SUPT7L: variants seen among roughly 807,000 people sequenced by gnomAD.
SUPT7L encodes SPT7 like, STAGA complex subunit gamma, also known as STAGA complex 65 subunit gamma.
Under a neutral mutation model 35.7 loss-of-function variants are expected in SUPT7L, and 15 were observed. The observed-to-expected ratio is 0.42, with a 90% CI of 0.28 to 0.65. SUPT7L has a LOEUF of 0.65. Among genes scored for constraint, SUPT7L ranks in the 30% least tolerant of loss-of-function variants. SUPT7L has a pLI of 0.23. For synonymous variants in SUPT7L, 168 were observed against 186.2 expected (o/e 0.90, Z 0.79); for missense variants, 434 against 522.2 (o/e 0.83, Z 1.65).
intron 3 of SUPT7L, among the ~76,000 whole-genome samples, chr2:27,659,115 G>C (rs542951628): frequency 1.3e-5 from 2 of 152,132 alleles, no homozygotes; most frequent in African/African-American, 4.8e-5. Context: ...GATCACCACA[G>C]AGCAAGTTTT....
At position 27,657,683 on chromosome 2, in the gene SUPT7L, T is replaced by C. The variant is rs1674870203; in HGVS notation, c.420-14A>G. On this transcript the variant is annotated splice_polypyrimidine_tract_variant and intron_variant, in intron 3 of 5. Coordinates refer to ENST00000337768, the MANE Select transcript of SUPT7L (RefSeq NM_014860.3). This position sits in a 1 kb window ranked among gnomAD's most constrained non-coding sequence, Gnocchi z 5.2. ...TCCCCTTTCCCACTGAAAGTGGAGA[T>C]ACGGTGGTGTTATTAATGTTCTTGC... 6.2e-7 allele frequency: 1 copy of C among 1,602,938 alleles called. No individual in the cohort carries two copies. The highest frequency in any genetic ancestry group is 1.3e-5 in the African/African-American group (1 of 74,718).
At chr2:27,654,018 G>A (rs1674681281) in intron 5 of SUPT7L, among the ~76,000 whole-genome samples, 1 of 152,084 alleles carries the variant, frequency 6.6e-6, no homozygotes, top group Non-Finnish European at 1.5e-5. Context: ...AACCAGGGAA[G>A]TGAAACTAGG....
In SUPT7L at chr2:27,653,348, A is replaced by C. The variant is rs1674644345; in HGVS notation, c.*137T>G. ...AATGCAACCTTGTTTGGTGACGTCC[A>C]GTTCCTCTGGAATTAGGAAAAACCA... On this transcript the variant is annotated 3_prime_UTR_variant, in exon 6 of 6. Transcript: ENST00000337768. 7.8e-7 allele frequency: 1 copy of C among 1,276,420 alleles called. No individual in the cohort carries two copies. Among genetic ancestry groups the C allele is most frequent in the Non-Finnish European group, 1.1e-6 (1 of 936,304 alleles). The allele number at this position is 1,276,420 out of a possible 1,614,324, so 79.1% of individuals were successfully genotyped here. A position where few individuals can be genotyped will look rare whatever the true frequency, so the allele number is the denominator to read the frequency against.
chr2:27,662,029 A>G (rs982774820), intron 2 of SUPT7L, 150 bp downstream of exon 2: 3 of 1,040,330 alleles, frequency 2.9e-6, no homozygotes, highest in Admixed American at 2.3e-5. Context: ...CCTTCCTCCA[A>G]TCTCTCTTTG....
chr2:27,650,117 A>C, downstream of SUPT7L: 1 of 1,579,278 alleles, frequency 6.3e-7, no homozygotes, highest in South Asian at 1.1e-5. Context: ...CCTTGCAGTT[A>C]CAGAGGAAAG....
rs745578047 is a variant in SUPT7L at position 27,652,358 on chromosome 2, G to C, written c.*1127C>G. 4 of 152,256 alleles carry C rather than the reference G, an allele frequency of 2.6e-5. No homozygotes were observed. Among genetic ancestry groups the C allele is most frequent in the Admixed American group, 6.5e-5 (1 of 15,274 alleles). 9.4% of individuals were successfully genotyped at this position (152,256 alleles called of 1,614,324 possible). On this transcript the variant is annotated 3_prime_UTR_variant, in exon 6 of 6. Coordinates refer to ENST00000337768, the MANE Select transcript of SUPT7L (RefSeq NM_014860.3). ...TGCCTTATTTTGGTCTGCATTAAAG[G>C]AGTGGTCTAAATTTTACAAGATATA...
chr2:27,661,034 G>A lies in SUPT7L; in HGVS notation c.369C>T (p.Pro123=). 6.2e-7 allele frequency: 1 copy of A among 1,614,132 alleles called. No individual in the cohort carries two copies. The highest frequency in any genetic ancestry group is 8.5e-7 in the Non-Finnish European group (1 of 1,180,012). The part of the protein sequence containing the change: ...DDLLPLDCKN[P]NAPFQIRHSD... ...TGTGCCGGATCTGGAATGGTGCATT[G>A]GGATTCTTACAATCTAAAGGCAGGA... The change falls in exon 3 of 6, where the codon CCC becomes CCT. Residue 123 remains proline, a synonymous_variant. Transcript: ENST00000337768.
chr2:27,655,479 C>T lies in SUPT7L; in HGVS notation c.868G>A (p.Glu290Lys), dbSNP rs970575929. The change falls in exon 5 of 6, where the codon GAG (glutamate) becomes AAG (lysine). Residue 290 changes from glutamate to lysine, a missense_variant. Transcript: ENST00000337768. ...CCAGAAGCAAGGTCAGCCTCCAGCTCCTCACTGACAGGAAAAGTGATGTCG... is the reference window on the plus strand; with the variant it reads ...CCAGAAGCAAGGTCAGCCTCCAGCTTCTCACTGACAGGAAAAGTGATGTCG... ...VSDITFPVSE[E>K]LEADLASGDQ... 2 of 1,614,182 alleles carry T rather than the reference C, an allele frequency of 1.2e-6. No homozygotes were observed. The highest frequency in any genetic ancestry group is 2.7e-5 in the African/African-American group (2 of 75,056).
chr2:27,650,462 C>A, downstream of SUPT7L: 1 of 215,114 alleles, frequency 4.6e-6, no homozygotes, highest in Non-Finnish European at 9.3e-6. Flanking sequence ...TGATACTCTT[C>A]CAAGCCTACA....
downstream of SUPT7L, chr2:27,650,383 C>G (rs1362146938): frequency 2.2e-6 from 1 of 462,646 alleles, no homozygotes; most frequent in East Asian, 3.5e-5. Flanking sequence ...GACCCTTGGA[C>G]CTGGCAGGTT....
At chr2:27,650,053 C>T (rs138379241), downstream of SUPT7L, 171 of 887,238 alleles carry the variant, frequency 1.9e-4, 1 homozygote, top group East Asian at 2.5e-3. Flanking sequence ...GGATGGGTGA[C>T]GGGCTCTAAT....
chr2:27,649,261 AAACAAAC>A (rs1674394007), downstream of SUPT7L, among the ~76,000 whole-genome samples: 1 of 147,554 alleles, frequency 6.8e-6, no homozygotes, highest in African/African-American at 2.5e-5. Context: ...ACAAACAAAC[AAACAAAC>A]AAAAAAACAC....
chr2:27,655,793 G>A (rs982386387), intron 4 of SUPT7L, among the ~76,000 whole-genome samples, 191 bp from the exon 5 acceptor site: 22 of 152,126 alleles, frequency 1.4e-4, no homozygotes, highest in Non-Finnish European at 1.9e-4. Context: ...AAAGAAAATT[G>A]GTTTGGCAGA....
intron 1 of SUPT7L, among the ~76,000 whole-genome samples, 190 bp from the exon 2 acceptor site, chr2:27,662,471 A>G (rs1675158272): frequency 1.3e-5 from 2 of 152,108 alleles, no homozygotes; most frequent in South Asian, 4.1e-4. Context: ...CACAATTGAC[A>G]CTTTCAGCTG....
downstream of SUPT7L, among the ~76,000 whole-genome samples, chr2:27,646,280 G>A (rs1463351807): frequency 6.6e-6 from 1 of 152,146 alleles, no homozygotes; most frequent in East Asian, 1.9e-4. Flanking sequence ...GACCTCAGGT[G>A]ATCTGCCCAT....
In SUPT7L at chr2:27,657,505, T is replaced by A; in HGVS notation, c.584A>T (p.Lys195Met). 6.2e-7 allele frequency: 1 copy of A among 1,614,246 alleles called. No homozygotes were observed. ...CCGGTCCACAGCAAAACGCAGCAAC[T>A]TGGTAAACTTAAGGCAATACTCATG... ...VAHEYCLKFT[K>M]LLRFAVDREA... The change falls in exon 4 of 6, where the codon AAG becomes ATG. Residue 195 changes from lysine to methionine, a missense_variant. By Grantham distance (95) the Lys-to-Met change is moderately conservative (BLOSUM62 -1). This residue lies in a region of SUPT7L where 198 missense variants were observed against 190.8 expected (regional missense o/e 1.04). Transcript: ENST00000337768. The surrounding 1 kb of genome is among the most constrained non-coding windows in gnomAD (Gnocchi z 5.2).
chr2:27,653,888 A>G (rs1439664914), intron 5 of SUPT7L, 141 bp from the exon 6 acceptor site: 2 of 1,117,046 alleles, frequency 1.8e-6, no homozygotes, highest in Non-Finnish European at 2.5e-6. Flanking sequence ...GCTGGAGAAT[A>G]TGGTTGTTAC....
downstream of SUPT7L, among the ~76,000 whole-genome samples, chr2:27,648,357 A>G (rs1346510686): frequency 2.6e-5 from 4 of 152,026 alleles, no homozygotes; most frequent in Non-Finnish European, 5.9e-5. Flanking sequence ...CACTCTCTAC[A>G]AAAAAGAAAA....
chr2:27,661,646 T>A (rs1675115520), intron 2 of SUPT7L: 3 of 1,337,470 alleles, frequency 2.2e-6, no homozygotes, highest in Non-Finnish European at 2.9e-6. Context: ...CTGGTTATTG[T>A]CATACTATGA....
Sources: gnomAD v4.1 joint callset for allele counts (sites outside exome capture counted in the v4.1 genomes callset) on GRCh38, gnomAD v4.1.1 for gene constraint, gnomAD v4.1.1 regional missense constraint, Gnocchi (gnomAD v3.1) non-coding constraint, MANE v1.5 for transcripts, NCBI Gene and HGNC (gene_info 2026-07-23, HGNC 2026-07-21) for gene names.